The following LDB2 variants were observed in gnomAD, a reference collection of about 807,000 sequenced individuals.
The protein encoded by LDB2 is LIM domain-binding protein 2.
LDB2 carries 12 observed loss-of-function variants against 44.3 expected under a neutral mutation model. That is an observed-to-expected ratio of 0.27 (90% CI 0.17 to 0.44). The LOEUF is 0.44. Among genes scored for constraint, LDB2 ranks in the 20% least tolerant of loss-of-function variants. The pLI is 1.00. For missense variants in LDB2, 344 were observed against 473.5 expected (o/e 0.73, Z 2.54); for synonymous variants, 164 against 174.8 (o/e 0.94, Z 0.49).
chr4:16,748,086 G>A lies in LDB2; in HGVS notation c.235+11072C>T, dbSNP rs145255902. On this transcript the variant is annotated intron_variant, in intron 2 of 7. Transcript: ENST00000304523. ...GGAGAACAAATTTTGATGTGTAAGG[G>A]AGTAATGGTGCTGTGCTTCATTAAA... Among the ~76,000 whole-genome samples, 705 of 152,272 alleles carry A rather than the reference G, an allele frequency of 4.6e-3. 9 individuals are homozygous for A. The highest frequency in any genetic ancestry group is 0.016 in the African/African-American group (656 of 41,548).
chr4:16,612,187 C>T (rs1230950931), intron 2 of LDB2, among the ~76,000 whole-genome samples: 2 of 152,104 alleles, frequency 1.3e-5, no homozygotes, highest in Non-Finnish European at 2.9e-5. Flanking sequence ...AGACAATGTA[C>T]CAGAATCTCT....
intron 5 of LDB2, among the ~76,000 whole-genome samples, chr4:16,583,057 C>T (rs1336375098): frequency 6.6e-6 from 1 of 152,216 alleles, no homozygotes; most frequent in Non-Finnish European, 1.5e-5. Context: ...GTCCACAGCT[C>T]GGCCATCCTC....
intron 2 of LDB2, among the ~76,000 whole-genome samples, chr4:16,622,302 T>C (rs535787586): frequency 2.6e-4 from 39 of 152,330 alleles, no homozygotes; most frequent in African/African-American, 8.9e-4. Flanking sequence ...ACAAAAACTA[T>C]AAATTTCTGG....
chr4:16,506,035 G>GAC (rs1448846093), intron 7 of LDB2: 1 of 1,532,582 alleles, frequency 6.5e-7, no homozygotes, highest in African/African-American at 1.4e-5. Flanking sequence ...GCCCTCGCCA[G>GAC]ACACACACAT....
At chr4:16,766,155 T>A (rs1460665134) in intron 1 of LDB2, among the ~76,000 whole-genome samples, 3 of 152,120 alleles carry the variant, frequency 2.0e-5, no homozygotes, top group Non-Finnish European at 4.4e-5. Flanking sequence ...ACTCTGTTTT[T>A]CTCTCTCCTC....
chr4:16,502,919 G>A, intron 7 of LDB2, 46 bp from the exon 8 acceptor site: 1 of 1,608,406 alleles, frequency 6.2e-7, no homozygotes, highest in Non-Finnish European at 8.5e-7. Flanking sequence ...TTGGGAGAGA[G>A]AAGCTCAGCT....
At chr4:16,639,443 G>A (rs1161381810) in intron 2 of LDB2, among the ~76,000 whole-genome samples, 1 of 152,108 alleles carries the variant, frequency 6.6e-6, no homozygotes, top group African/African-American at 2.4e-5. Context: ...GAAAACAGGG[G>A]AATCTGAAAC....
chr4:16,633,370 G>A lies in LDB2; in HGVS notation c.236-37495C>T, dbSNP rs372966644. On this transcript the variant is annotated intron_variant, in intron 2 of 7. Coordinates refer to ENST00000304523, the MANE Select transcript of LDB2 (RefSeq NM_001290.5). Reference sequence around the variant, plus strand: ...GTTAATGGGTGCAGCACACCAACATGGCACATGTATAGCTATGTAACAAAC... The same window carrying A: ...GTTAATGGGTGCAGCACACCAACATAGCACATGTATAGCTATGTAACAAAC... Among the ~76,000 whole-genome samples, 10 of 152,078 alleles carry A rather than the reference G, an allele frequency of 6.6e-5. No homozygotes were observed. In the South Asian group the frequency reaches 2.1e-3, roughly 32 times the overall value.
intron 5 of LDB2, among the ~76,000 whole-genome samples, chr4:16,538,435 C>CAAAACAAAACAAAACAAAACA (rs1732611640): frequency 6.6e-6 from 1 of 152,064 alleles, no homozygotes; most frequent in Non-Finnish European, 1.5e-5. Flanking sequence ...AAAACAAAAA[C>CAAAACAAAACAAAACAAAACA]AAAACAAAAC....
Position 16,505,905 on chromosome 4 carries a change from A to AG in LDB2, c.891+2629dup, listed in dbSNP as rs756576053. On this transcript the variant is annotated intron_variant, in intron 7 of 7. Transcript: ENST00000304523. ...AATGCTTCTCCTTAAATTGGCCAGAAGGGGTCACTGCTGTTGAATGACACA... is the reference window on the plus strand; with the variant it reads ...AATGCTTCTCCTTAAATTGGCCAGAAGGGGGTCACTGCTGTTGAATGACACA... 22 of 1,551,568 alleles carry AG rather than the reference A, an allele frequency of 1.4e-5. No homozygotes were observed. In the South Asian group the frequency reaches 2.6e-4, roughly 18 times the overall value.
At chr4:16,609,677 G>A (rs1725083297) in intron 2 of LDB2, among the ~76,000 whole-genome samples, 1 of 152,164 alleles carries the variant, frequency 6.6e-6, no homozygotes, top group South Asian at 2.1e-4. Flanking sequence ...CCAGCCAGAG[G>A]CTCAGGGGCA....
chr4:16,735,189 C>T (rs1413609903), intron 2 of LDB2, among the ~76,000 whole-genome samples: 2 of 152,154 alleles, frequency 1.3e-5, no homozygotes, highest in Non-Finnish European at 2.9e-5. Context: ...CTGCCCCTCG[C>T]ATTTCACATC....
intron 2 of LDB2, among the ~76,000 whole-genome samples, chr4:16,735,866 G>A (rs147345201): frequency 2.6e-3 from 398 of 152,304 alleles, no homozygotes; most frequent in Non-Finnish European, 4.5e-3. Flanking sequence ...GTCATAGACC[G>A]GAAGTCGCTG....
intron 2 of LDB2, among the ~76,000 whole-genome samples, chr4:16,629,540 C>A (rs1189524783): frequency 6.6e-6 from 1 of 151,948 alleles, no homozygotes; most frequent in Admixed American, 6.6e-5. Flanking sequence ...AGCTGAGGGG[C>A]CTGTCTGTTA....
At chr4:16,692,586 T>C (rs138663153) in intron 2 of LDB2, among the ~76,000 whole-genome samples, 1 of 152,272 alleles carries the variant, frequency 6.6e-6, no homozygotes, top group East Asian at 1.9e-4. Flanking sequence ...TCTTTTTTGG[T>C]AAAGCTCTGC....
chr4:16,813,063 T>C (rs1226322791), intron 1 of LDB2, among the ~76,000 whole-genome samples: 1 of 151,986 alleles, frequency 6.6e-6, no homozygotes, highest in Non-Finnish European at 1.5e-5. Flanking sequence ...AGTGGCACGA[T>C]CTCAGCTCAC....
At chr4:16,771,698 A>T (rs1770734387) in intron 1 of LDB2, among the ~76,000 whole-genome samples, 1 of 152,128 alleles carries the variant, frequency 6.6e-6, no homozygotes, top group Admixed American at 6.5e-5. Flanking sequence ...AAATCCCATG[A>T]ACTTACCTCC....
At chr4:16,645,307 C>T (rs1024864343) in intron 2 of LDB2, among the ~76,000 whole-genome samples, 1 of 151,776 alleles carries the variant, frequency 6.6e-6, no homozygotes, top group African/African-American at 2.4e-5. Flanking sequence ...GAGGCCGAGG[C>T]GGGTGGATCA....
At chr4:16,753,677 T>C (rs1261596382) in intron 2 of LDB2, among the ~76,000 whole-genome samples, 2 of 152,168 alleles carry the variant, frequency 1.3e-5, no homozygotes, top group Non-Finnish European at 2.9e-5. Context: ...AGCTTTTGGC[T>C]AGTGTGGCCA....
Sources: allele counts gnomAD v4.1 joint callset (sites outside exome capture counted in the v4.1 genomes callset), GRCh38; gene constraint gnomAD v4.1.1; transcripts MANE v1.5; gene names NCBI Gene and HGNC (gene_info 2026-07-23, HGNC 2026-07-21).